The following PCDHGB7 variants were observed in gnomAD, a reference collection of about 807,000 sequenced individuals.
PCDHGB7 encodes the protein protocadherin gamma-B7.
PCDHGB7 carries 37 observed loss-of-function variants against 61.4 expected under a neutral mutation model. The observed-to-expected ratio is 0.60, with a 90% confidence interval of 0.46 to 0.79. The LOEUF (loss-of-function observed/expected upper bound fraction) is 0.79. Ranked by LOEUF, PCDHGB7 falls within the 30% of genes least tolerant of loss-of-function variation. The pLI, the probability that PCDHGB7 is intolerant of heterozygous loss-of-function variation, is 0.00. For synonymous variants in PCDHGB7, 464 were observed against 503.5 expected, an observed-to-expected ratio of 0.92 and a Z score of 1.05; for missense variants, 1,166 against 1,202.5, an observed-to-expected ratio of 0.97 and a Z score of 0.45.
intron 1 of PCDHGB7, among the ~76,000 whole-genome samples, chr5:141,457,319 G>A (rs914658873): frequency 7.9e-5 from 12 of 152,086 alleles, no homozygotes; most frequent in East Asian, 3.8e-4. Flanking sequence ...AGAAACCTCC[G>A]GGTTACAGGT....
Position 141,420,216 on chromosome 5 carries a change from T to C in PCDHGB7, c.2357T>C (p.Met786Thr). Residue 786 changes from methionine to threonine, a missense_variant, in exon 1 of 4, where the codon ATG becomes ACG. Coordinates refer to ENST00000398594, the MANE Select transcript of PCDHGB7 (RefSeq NM_018927.4). ...ATQDNLNKDSMLLASILTPSV... is the reference protein window; with the variant it reads ...ATQDNLNKDSTLLASILTPSV... The stretch of plus-strand genomic sequence containing the variant: ...CAAGATAACCTCAACAAAGATAGCA[T>C]GCTACTGGCTAGCATTTTAACTCCC... 1 of 1,609,316 alleles carries C rather than the reference T, an allele frequency of 6.2e-7. No homozygotes were observed. Among genetic ancestry groups the C allele is most frequent in the African/African-American group, 1.3e-5 (1 of 74,896 alleles).
Position 141,498,971 on chromosome 5 carries a change from GGGAAGGAAGGAAGGAAGGAAGGAA to G in PCDHGB7, c.2474+4140_2474+4163del, listed in dbSNP as rs201769957. 5.1e-3 allele frequency among the ~76,000 whole-genome samples: 569 copies of G among 111,048 alleles called. 6 individuals carry two copies. Among genetic ancestry groups the G allele is most frequent in the South Asian group, 0.024 (65 of 2,658 alleles). 72.9% of individuals were successfully genotyped at this position (111,048 alleles called of 152,430 possible). A position where few individuals can be genotyped will look rare whatever the true frequency, so the allele number is the denominator to read the frequency against. On this transcript the variant is annotated intron_variant, in intron 2 of 3. Coordinates refer to ENST00000398594, the MANE Select transcript of PCDHGB7 (RefSeq NM_018927.4). ...AAAAAGAGAGAGAGGGAGGGAGGGA[GGGAAGGAAGGAAGGAAGGAAGGAA>G]GGAAGGAAGGAAGGAAGGAAGGAAG...
intron 1 of PCDHGB7, among the ~76,000 whole-genome samples, chr5:141,462,331 T>C (rs909948238): frequency 6.6e-6 from 1 of 152,244 alleles, no homozygotes; most frequent in African/African-American, 2.4e-5. Context: ...TCTAATTTAA[T>C]TGTATTGTGA....
At position 141,490,649 on chromosome 5, in the gene PCDHGB7, G is replaced by C. The variant is rs1428223995; in HGVS notation, c.2416-4158G>C. 1 of 1,614,148 alleles carries C rather than the reference G, an allele frequency of 6.2e-7. No homozygotes were observed. Among genetic ancestry groups the C allele is most frequent in the Admixed American group, 1.7e-5 (1 of 60,018 alleles). On this transcript the variant is annotated intron_variant, in intron 1 of 3. Coordinates refer to ENST00000398594, the MANE Select transcript of PCDHGB7 (RefSeq NM_018927.4). The surrounding 1 kb of genome is among the most constrained non-coding windows in gnomAD (Gnocchi z 5.4). ...TACATCCTAGAAAACCGGCCTCCGG[G>C]CTCCCTTCTTTGCACTGTGGCTGCC...
chr5:141,444,997 A>G (rs2154560871), intron 1 of PCDHGB7, among the ~76,000 whole-genome samples: 1 of 152,292 alleles, frequency 6.6e-6, no homozygotes, highest in Admixed American at 6.5e-5. Context: ...ATATATTTCC[A>G]TTTAATTAGG....
chr5:141,478,685 A>G, intron 1 of PCDHGB7: 3 of 1,551,308 alleles, frequency 1.9e-6, no homozygotes, highest in Non-Finnish European at 2.6e-6. Context: ...GGCCCTTCCT[A>G]GATCAAAGTT....
chr5:141,455,587 T>C (rs1383947901), intron 1 of PCDHGB7, among the ~76,000 whole-genome samples: 1 of 152,162 alleles, frequency 6.6e-6, no homozygotes, highest in African/African-American at 2.4e-5. Flanking sequence ...CCTTTTAATA[T>C]GCAAACGTAG....
Position 141,420,208 on chromosome 5 carries a change from A to G in PCDHGB7, c.2349A>G (p.Lys783=), listed in dbSNP as rs1396340813. The G allele has an allele frequency of 6.2e-7, 1 of 1,612,970 alleles. No individual in the cohort carries two copies. Among genetic ancestry groups the G allele is most frequent in the Non-Finnish European group, 8.5e-7 (1 of 1,179,108 alleles). The change falls in exon 1 of 4, where the codon AAA becomes AAG. Residue 783 remains lysine (K), a synonymous_variant. Transcript: ENST00000398594. The part of the protein sequence containing the change: ...HCPATQDNLN[K]DSMLLASILT... ...CAGCCACACAAGATAACCTCAACAA[A>G]GATAGCATGCTACTGGCTAGCATTT...
intron 1 of PCDHGB7, among the ~76,000 whole-genome samples, chr5:141,449,331 G>T (rs1054980032): frequency 3.3e-5 from 5 of 151,950 alleles, no homozygotes; most frequent in Admixed American, 3.3e-4. Flanking sequence ...TGTAGGCCAG[G>T]TGCAGTGGCT....
At chr5:141,464,264 A>G (rs1357786078) in intron 1 of PCDHGB7, among the ~76,000 whole-genome samples, 2 of 130,598 alleles carry the variant, frequency 1.5e-5, no homozygotes, top group East Asian at 4.2e-4. Flanking sequence ...GACTCCGTCT[A>G]AAAAAAAAAA....
intron 1 of PCDHGB7, among the ~76,000 whole-genome samples, chr5:141,464,702 G>T (rs934638404): frequency 1.3e-5 from 2 of 151,942 alleles, no homozygotes; most frequent in African/African-American, 2.4e-5. Context: ...TATGAATGAG[G>T]TTAAATAGTT....
At chr5:141,502,961 A>G (rs886622146) in intron 2 of PCDHGB7, among the ~76,000 whole-genome samples, 3 of 146,786 alleles carry the variant, frequency 2.0e-5, no homozygotes, top group Non-Finnish European at 4.4e-5. Context: ...CTCCTGCCTC[A>G]GCCTCCCAAG....
chr5:141,495,122 C>T (rs1365586518), intron 2 of PCDHGB7, among the ~76,000 whole-genome samples: 2 of 152,282 alleles, frequency 1.3e-5, no homozygotes, highest in East Asian at 3.9e-4. Flanking sequence ...TTCCTATCCC[C>T]TGAGGGCACT....
At chr5:141,467,941 G>A (rs1173095290) in intron 1 of PCDHGB7, among the ~76,000 whole-genome samples, 4 of 151,984 alleles carry the variant, frequency 2.6e-5, no homozygotes, top group Admixed American at 2.6e-4. Context: ...TTACAAGCAT[G>A]AGCCACCACA....
Position 141,511,995 on chromosome 5 carries a change from A to G in PCDHGB7, c.*822A>G, listed in dbSNP as rs1049905198. The G allele has an allele frequency of 1.3e-5, 2 of 153,074 alleles. No homozygotes were observed. The highest frequency in any genetic ancestry group is 4.8e-5 in the African/African-American group (2 of 41,464). The allele number at this position is 153,074 out of a possible 1,614,324, so 9.5% of individuals were successfully genotyped here. On this transcript the variant is annotated 3_prime_UTR_variant, in exon 4 of 4. Transcript: ENST00000398594. The stretch of plus-strand genomic sequence containing the variant: ...GGATGTGGATGGTGGGGGCATGGAC[A>G]AAGCTTGACACATCAAGTTATCAAG...
chr5:141,490,004 C>A lies in PCDHGB7; in HGVS notation c.2416-4803C>A. The A allele has an allele frequency of 6.2e-7, 1 of 1,614,174 alleles. No homozygotes were observed. The highest frequency in any genetic ancestry group is 1.7e-5 in the Admixed American group (1 of 60,034). On this transcript the variant is annotated intron_variant, in intron 1 of 3. Transcript: ENST00000398594. The surrounding 1 kb of genome is among the most constrained non-coding windows in gnomAD (Gnocchi z 5.4). ...CTACGTGTGGGAATCCCAGAGAATGCACCCATTGGTACTCTGCTGCTCCGC... is the reference window on the plus strand; with the variant it reads ...CTACGTGTGGGAATCCCAGAGAATGAACCCATTGGTACTCTGCTGCTCCGC...
intron 1 of PCDHGB7, among the ~76,000 whole-genome samples, chr5:141,473,661 G>T (rs935648567): frequency 2.6e-5 from 4 of 152,172 alleles, no homozygotes; most frequent in Non-Finnish European, 4.4e-5. Context: ...TTGTGTGAAG[G>T]CCCTGAGACA....
intron 2 of PCDHGB7, among the ~76,000 whole-genome samples, chr5:141,500,682 G>A (rs1661676761): frequency 6.6e-6 from 1 of 152,044 alleles, no homozygotes; most frequent in African/African-American, 2.4e-5. Context: ...CAGAATTATA[G>A]CTTTTTTCTT....
In PCDHGB7 at chr5:141,476,737, G is replaced by A. The variant is rs1420138912; in HGVS notation, c.2416-18070G>A. ...AGCGCGCCCTGGACCGAGAACGGGA[G>A]CCTAGTCTCCAGTTAGTGCTGACGG... is the stretch of plus-strand genomic sequence containing the variant. On this transcript the variant is annotated intron_variant, in intron 1 of 3. Coordinates refer to ENST00000398594, the MANE Select transcript of PCDHGB7 (RefSeq NM_018927.4). This position sits in a 1 kb window ranked among gnomAD's most constrained non-coding sequence, Gnocchi z 7.6. The A allele has an allele frequency of 3.1e-6, 5 of 1,613,982 alleles. No individual in the cohort carries two copies. Among genetic ancestry groups the A allele is most frequent in the Non-Finnish European group, 4.2e-6 (5 of 1,180,038 alleles).
Sources: gnomAD v4.1 joint callset for allele counts (sites outside exome capture counted in the v4.1 genomes callset) on GRCh38, gnomAD v4.1.1 for gene constraint, Gnocchi (gnomAD v3.1) non-coding constraint, MANE v1.5 for transcripts, NCBI Gene and HGNC (gene_info 2026-07-23, HGNC 2026-07-21) for gene names.